Variants in SUV39H2 observed in about 807,000 individuals in gnomAD.
SUV39H2 encodes SUV39H2 histone lysine methyltransferase, also known as histone-lysine N-methyltransferase SUV39H2.
SUV39H2 carries 10 observed loss-of-function variants against 47.5 expected under a neutral mutation model. That is an observed-to-expected ratio of 0.21 (90% CI 0.13 to 0.36). The LOEUF (loss-of-function observed/expected upper bound fraction) is 0.36, where lower values mean the gene tolerates loss of function less well. Among genes scored for constraint, SUV39H2 ranks in the 10% least tolerant of loss-of-function variants. SUV39H2 has a pLI of 1.00. For missense variants in SUV39H2, 266 were observed against 487.4 expected, an observed-to-expected ratio of 0.55 and a Z score of 4.28; for synonymous variants, 159 against 166.8, an observed-to-expected ratio of 0.95 and a Z score of 0.36.
At chr10:14,885,407 A>G (rs184082237) in intron 2 of SUV39H2, among the ~76,000 whole-genome samples, 84 of 152,296 alleles carry the variant, frequency 5.5e-4, no homozygotes, top group Non-Finnish European at 9.6e-4. Context: ...CTAATGGGTT[A>G]TCATATTATG....
rs1156974521 is a variant in SUV39H2, at chr10:14,881,485, A to G, written c.32-15A>G. ...AGCTATTTCATTAGTAAAGAATTCTATTTTCTTATTGTAGCTTGGTGTGTG... is the reference window on the plus strand; with the variant it reads ...AGCTATTTCATTAGTAAAGAATTCTGTTTTCTTATTGTAGCTTGGTGTGTG... On this transcript the variant is annotated splice_polypyrimidine_tract_variant and intron_variant, in intron 1 of 5. Coordinates refer to ENST00000354919, the MANE Select transcript of SUV39H2 (RefSeq NM_001193424.2). 4.8e-6 allele frequency: 7 copies of G among 1,458,560 alleles called. No homozygotes were observed. Among genetic ancestry groups the G allele is most frequent in the Admixed American group, 2.6e-5 (1 of 38,198 alleles). The allele number at this position is 1,458,560 out of a possible 1,614,324, so 90.4% of individuals were successfully genotyped here.
At chr10:14,891,545 T>C (rs151237087) in intron 2 of SUV39H2, among the ~76,000 whole-genome samples, 1 of 152,166 alleles carries the variant, frequency 6.6e-6, no homozygotes, top group African/African-American at 2.4e-5. Context: ...GTTGGAAGAT[T>C]AATGTTTAAG....
At chr10:14,895,856 T>C (rs1321360453) in intron 2 of SUV39H2, among the ~76,000 whole-genome samples, 1 of 152,174 alleles carries the variant, frequency 6.6e-6, no homozygotes, top group Non-Finnish European at 1.5e-5. Context: ...TGTAATAGTT[T>C]TAAGTTACTT....
intron 3 of SUV39H2, chr10:14,899,196 C>T (rs1315758832): frequency 2.8e-6 from 2 of 701,900 alleles, no homozygotes; most frequent in African/African-American, 1.7e-5. Flanking sequence ...CGGTATGCAC[C>T]TGTGATCCAG....
intron 2 of SUV39H2, among the ~76,000 whole-genome samples, chr10:14,895,082 A>G (rs373809419): frequency 2.4e-4 from 37 of 152,082 alleles, no homozygotes; most frequent in African/African-American, 7.5e-4. Flanking sequence ...GCATGTGGCT[A>G]TATATTATTC....
Position 14,878,925 on chromosome 10 carries a change from G to A in SUV39H2, c.31+6G>A, listed in dbSNP as rs1832952735. The A allele has an allele frequency of 6.8e-7, 1 of 1,470,314 alleles. No individual in the cohort carries two copies. The highest frequency in any genetic ancestry group is 9.0e-7 in the Non-Finnish European group (1 of 1,108,336). The allele number at this position is 1,470,314 out of a possible 1,614,324, so 91.1% of individuals were successfully genotyped here. ...CGGGGCCGAGGCGCGAGGAGGTGAG[G>A]CTGGAGCGCGGCCCCCTCGCCTTCC... On this transcript the variant is annotated splice_donor_region_variant and intron_variant, in intron 1 of 5. Coordinates refer to ENST00000354919, the MANE Select transcript of SUV39H2 (RefSeq NM_001193424.2).
intron 2 of SUV39H2, among the ~76,000 whole-genome samples, chr10:14,893,171 T>G (rs1833449996): frequency 6.6e-6 from 1 of 151,312 alleles, no homozygotes; most frequent in South Asian, 2.1e-4. Flanking sequence ...GCCCGGCTAA[T>G]TTTTTGTATT....
chr10:14,901,036 T>G, intron 4 of SUV39H2, 97 bp from the exon 5 acceptor site: 2 of 1,485,724 alleles, frequency 1.3e-6, no homozygotes, highest in Non-Finnish European at 1.8e-6. Context: ...CAGTGGAACT[T>G]AAACTAAATC....
At chr10:14,899,822 T>C in intron 4 of SUV39H2, 137 bp downstream of exon 4, 11 of 1,047,870 alleles carry the variant, frequency 1.0e-5, no homozygotes, top group Non-Finnish European at 1.3e-5. Context: ...GGAGGGCAGC[T>C]TCTGTTAAGT....
chr10:14,883,235 G>A lies in SUV39H2; in HGVS notation c.177+1590G>A, dbSNP rs375947500. 3.5e-4 allele frequency among the ~76,000 whole-genome samples: 53 copies of A among 152,216 alleles called. 2 individuals are homozygous for A. In the South Asian group the frequency reaches 0.01, roughly 29 times the overall value. Reference sequence around the variant, plus strand: ...TTTTTTTACTGATATATCTCAGTCAGTAAACACATTCAGATCTTCCCTAAC... The same window carrying A: ...TTTTTTTACTGATATATCTCAGTCAATAAACACATTCAGATCTTCCCTAAC... On this transcript the variant is annotated intron_variant, in intron 2 of 5. Coordinates refer to ENST00000354919, the MANE Select transcript of SUV39H2 (RefSeq NM_001193424.2).
At chr10:14,886,989 T>G (rs1252951838) in intron 2 of SUV39H2, among the ~76,000 whole-genome samples, 5 of 151,772 alleles carry the variant, frequency 3.3e-5, no homozygotes, top group Non-Finnish European at 5.9e-5. Context: ...AAGAAAGAGG[T>G]GAGTGAAGGA....
rs148268030 is a variant in SUV39H2, at chr10:14,884,070, T to C, written c.177+2425T>C. Among the ~76,000 whole-genome samples, 19 of 152,370 alleles carry C rather than the reference T, an allele frequency of 1.2e-4. No individual in the cohort carries two copies. The East Asian group carries it at 3.1e-3, about 25-fold the overall frequency. ...GTATGGATATATCACATTTAACTTA[T>C]TCATCACTTCGTGGCCATTTGAGTT... is the stretch of plus-strand genomic sequence containing the variant. On this transcript the variant is annotated intron_variant, in intron 2 of 5. Coordinates refer to ENST00000354919, the MANE Select transcript of SUV39H2 (RefSeq NM_001193424.2).
chr10:14,885,762 C>G (rs1327771087), intron 2 of SUV39H2, among the ~76,000 whole-genome samples: 1 of 152,168 alleles, frequency 6.6e-6, no homozygotes, highest in African/African-American at 2.4e-5. Context: ...TCTTCTCTTT[C>G]TCTTTCTTTT....
chr10:14,891,512 G>GT (rs2131686326), intron 2 of SUV39H2, among the ~76,000 whole-genome samples: 1 of 152,346 alleles, frequency 6.6e-6, no homozygotes, highest in African/African-American at 2.4e-5. Context: ...GTTTGAAGCT[G>GT]TAAGTCTGGA....
At chr10:14,901,692 G>A (rs950156847) in intron 5 of SUV39H2, among the ~76,000 whole-genome samples, 10 of 152,074 alleles carry the variant, frequency 6.6e-5, no homozygotes, top group African/African-American at 1.4e-4. Flanking sequence ...CTAGCCGGGC[G>A]TGGTGGCGTG....
chr10:14,898,202 CTTTTTTTTTTTTTTTTTTT>C (rs919860514), intron 3 of SUV39H2: 5 of 56,158 alleles, frequency 8.9e-5, no homozygotes, highest in African/African-American at 3.5e-4. Context: ...AGTACTGTTT[CTTTTTTTTTTTTTTTTTTT>C]TTTTTTTTTG....
chr10:14,879,434 G>A (rs1472955711), intron 1 of SUV39H2, among the ~76,000 whole-genome samples: 1 of 152,222 alleles, frequency 6.6e-6, no homozygotes, highest in Non-Finnish European at 1.5e-5. Context: ...AAGGGGATAA[G>A]CGAGGAATCC....
rs1664629687 is a variant in SUV39H2, at chr10:14,897,478, G to A, written c.810G>A (p.Lys270=). The change falls in exon 3 of 6, where the codon AAG becomes AAA. Residue 270 remains lysine (K), a synonymous_variant. Coordinates refer to ENST00000354919, the MANE Select transcript of SUV39H2 (RefSeq NM_001193424.2). The part of the protein sequence containing the change: ...GRGWGVKTLV[K]IKRMSFVMEY... ...GCTGGGGTGTAAAGACCCTTGTGAA[G>A]ATTAAAAGAATGAGTTTTGTCATGG... is the stretch of plus-strand genomic sequence containing the variant. 1 of 1,576,050 alleles carries A rather than the reference G, an allele frequency of 6.3e-7. No individual in the cohort carries two copies. Among genetic ancestry groups the A allele is most frequent in the Non-Finnish European group, 8.6e-7 (1 of 1,159,524 alleles).
rs757438301 is a variant in SUV39H2, at chr10:14,897,382, T to C, written c.714T>C (p.Asp238=). 3 of 1,613,320 alleles carry C rather than the reference T, an allele frequency of 1.9e-6. No individual in the cohort carries two copies. The highest frequency in any genetic ancestry group is 1.3e-5 in the African/African-American group (1 of 74,942). The change falls in exon 3 of 6, where the codon GAT becomes GAC. Residue 238 remains aspartate (D), a synonymous_variant. Transcript: ENST00000354919. The stretch of plus-strand genomic sequence containing the variant: ...ACTCAAGGTGTCAGTGTGGTCCTGA[T>C]TGTCCCAATAGGATTGTACAAAAAG... ...ECNSRCQCGP[D]CPNRIVQKGT... is the part of the protein sequence containing the mutation.
Sources: allele counts gnomAD v4.1 joint callset (sites outside exome capture counted in the v4.1 genomes callset), GRCh38; gene constraint gnomAD v4.1.1; transcripts MANE v1.5; gene names NCBI Gene and HGNC (gene_info 2026-07-23, HGNC 2026-07-21).